Variants in PCBP3 observed in about 807,000 individuals in gnomAD.
PCBP3 encodes the protein poly(rC)-binding protein 3.
Under a neutral mutation model 52.7 loss-of-function variants are expected in PCBP3, and 25 were observed. That is an observed-to-expected ratio of 0.47 (90% confidence interval 0.35 to 0.66). The LOEUF (loss-of-function observed/expected upper bound fraction) is 0.66. Ranked by LOEUF, PCBP3 falls within the 30% of genes least tolerant of loss-of-function variation. The probability of loss-of-function intolerance (pLI) is 0.01; values close to 1 mark genes in which losing one functional copy is unlikely to be tolerated. For synonymous variants in PCBP3, 162 were observed against 183.0 expected (o/e 0.89, Z 0.93); for missense variants, 391 against 490.3 (o/e 0.80, Z 1.91).
chr21:45,874,341 C>T (rs116772655), intron 5 of PCBP3, among the ~76,000 whole-genome samples: 4 of 152,072 alleles, frequency 2.6e-5, no homozygotes, highest in African/African-American at 9.7e-5. Flanking sequence ...ATGGAGAGTT[C>T]GAGTCAATGA....
intron 2 of PCBP3, among the ~76,000 whole-genome samples, chr21:45,708,725 A>G (rs1337897009): frequency 6.6e-6 from 1 of 152,258 alleles, no homozygotes; most frequent in African/African-American, 2.4e-5. Context: ...TAGGGAATTA[A>G]TGTCCAAGAT....
At chr21:45,698,865 G>A (rs1163743252) in intron 2 of PCBP3, among the ~76,000 whole-genome samples, 1 of 152,216 alleles carries the variant, frequency 6.6e-6, no homozygotes, top group Admixed American at 6.5e-5. Flanking sequence ...CAAAGGAAGT[G>A]TCTTTGCTGT....
intron 1 of PCBP3, among the ~76,000 whole-genome samples, chr21:45,650,784 G>C (rs186756353): frequency 5.3e-5 from 8 of 152,250 alleles, no homozygotes; most frequent in Non-Finnish European, 1.0e-4. Context: ...TTCTTAAATG[G>C]TCTGGATCTG....
chr21:45,724,751 TC>T lies in PCBP3; in HGVS notation c.-199-10640del, dbSNP rs2084908410. On this transcript the variant is annotated intron_variant, in intron 2 of 17. Transcript: ENST00000681687. This position sits in a 1 kb window ranked among gnomAD's most constrained non-coding sequence, Gnocchi z 5.3. ...GTGGCACTCTGTAACCCGCCCCCCCTCAGCTGGAGTGGCACTCTGTTGGCTG... is the reference window on the plus strand; with the variant it reads ...GTGGCACTCTGTAACCCGCCCCCCCTAGCTGGAGTGGCACTCTGTTGGCTG... Among the ~76,000 whole-genome samples, 1 of 150,664 alleles carries T rather than the reference TC, an allele frequency of 6.6e-6. No individual in the cohort carries two copies.
chr21:45,826,578 C>T (rs532782102), intron 4 of PCBP3, among the ~76,000 whole-genome samples: 2 of 152,218 alleles, frequency 1.3e-5, no homozygotes, highest in South Asian at 2.1e-4. Flanking sequence ...CCCCACCAGG[C>T]ATGACAAAGG....
chr21:45,913,848 C>A, intron 11 of PCBP3, 103 bp from the exon 12 acceptor site: 2 of 1,054,164 alleles, frequency 1.9e-6, no homozygotes, highest in Non-Finnish European at 2.8e-6. Flanking sequence ...GAGCGTGGAG[C>A]TGGTGCAGGG....
chr21:45,783,796 C>T (rs2090831502), intron 4 of PCBP3, among the ~76,000 whole-genome samples: 1 of 152,174 alleles, frequency 6.6e-6, no homozygotes, highest in Non-Finnish European at 1.5e-5. Flanking sequence ...AGCTGGATAA[C>T]CTACTCACGC....
intron 1 of PCBP3, among the ~76,000 whole-genome samples, chr21:45,660,755 C>G (rs2080336883): frequency 6.6e-6 from 1 of 152,094 alleles, no homozygotes. Flanking sequence ...CAAAGTACAT[C>G]TTGCTGGGCA....
intron 2 of PCBP3, among the ~76,000 whole-genome samples, chr21:45,731,092 A>G (rs1232312925): frequency 6.6e-6 from 1 of 152,106 alleles, no homozygotes; most frequent in Non-Finnish European, 1.5e-5. Flanking sequence ...CCCACTTGTT[A>G]TTAGAGTCCC....
At chr21:45,811,364 T>C (rs2092683397) in intron 4 of PCBP3, among the ~76,000 whole-genome samples, 1 of 152,220 alleles carries the variant, frequency 6.6e-6, no homozygotes, top group Non-Finnish European at 1.5e-5. Flanking sequence ...CTAGAAGTGC[T>C]CCCGTTCATC....
chr21:45,849,196 C>G lies in PCBP3; in HGVS notation c.-125-765C>G, dbSNP rs993649499. Among the ~76,000 whole-genome samples, 3 of 148,504 alleles carry G rather than the reference C, an allele frequency of 2.0e-5. No homozygotes were observed. In the South Asian group the frequency reaches 6.3e-4, roughly 31 times the overall value. ...TTTTTCTCCCAAGGTTCCAAATATG[C>G]CTTTTTTTTTTTTTCTTTTTTGAGA... On this transcript the variant is annotated intron_variant, in intron 4 of 17. Transcript: ENST00000681687.
intron 4 of PCBP3, among the ~76,000 whole-genome samples, chr21:45,822,323 G>A (rs539920955): frequency 1.3e-3 from 192 of 152,256 alleles, no homozygotes; most frequent in African/African-American, 4.5e-3. Context: ...CTTTTCTGGG[G>A]CCTTCTCCGG....
chr21:45,644,415 CTG>C (rs2079122656), intron 1 of PCBP3, among the ~76,000 whole-genome samples: 1 of 152,072 alleles, frequency 6.6e-6, no homozygotes, highest in African/African-American at 2.4e-5. Context: ...TTGTTGCTCG[CTG>C]TGTTTTATTT....
chr21:45,832,480 G>T (rs1040454306), intron 4 of PCBP3: 1 of 152,170 alleles, frequency 6.6e-6, no homozygotes, highest in African/African-American at 2.4e-5. Context: ...TAGTCACTCT[G>T]CCAAACGCCT....
intron 2 of PCBP3, among the ~76,000 whole-genome samples, chr21:45,714,832 C>T (rs1215962121): frequency 1.3e-5 from 2 of 152,126 alleles, no homozygotes; most frequent in Non-Finnish European, 2.9e-5. Context: ...ATTTTGGAGG[C>T]ACGTTTTCAG....
At chr21:45,892,147 C>T (rs576844457) in intron 5 of PCBP3, among the ~76,000 whole-genome samples, 73 of 152,262 alleles carry the variant, frequency 4.8e-4, no homozygotes, top group African/African-American at 1.6e-3. Flanking sequence ...TTAGCAGGAC[C>T]GCGGCGTCCT....
intron 2 of PCBP3, among the ~76,000 whole-genome samples, chr21:45,678,143 C>T (rs1370627989): frequency 6.6e-6 from 1 of 151,922 alleles, no homozygotes; most frequent in Non-Finnish European, 1.5e-5. Context: ...AGATCGAGAC[C>T]AGCCTGGCTA....
At chr21:45,851,962 G>A (rs555161118) in intron 5 of PCBP3, among the ~76,000 whole-genome samples, 1 of 152,286 alleles carries the variant, frequency 6.6e-6, no homozygotes, top group East Asian at 1.9e-4. Context: ...CCAGCCCTGA[G>A]GCTAGGAAGA....
chr21:45,783,427 C>G (rs2090796854), intron 4 of PCBP3, among the ~76,000 whole-genome samples: 1 of 152,190 alleles, frequency 6.6e-6, no homozygotes, highest in South Asian at 2.1e-4. Context: ...ATGATATTCT[C>G]AACAGTACAT....
Sources: allele counts gnomAD v4.1 joint callset (sites outside exome capture counted in the v4.1 genomes callset), GRCh38; gene constraint gnomAD v4.1.1; non-coding constraint Gnocchi (gnomAD v3.1); transcripts MANE v1.5; gene names NCBI Gene and HGNC (gene_info 2026-07-23, HGNC 2026-07-21).